PNPLA7: variants seen among roughly 807,000 people sequenced by gnomAD.
The protein encoded by PNPLA7 is patatin like domain 7, lysophospholipase, also known as patatin-like phospholipase domain-containing protein 7.
In PNPLA7, 153 loss-of-function variants were observed where a neutral mutation model predicts 161.7. That is an observed-to-expected ratio of 0.95 (90% CI 0.83 to 1.08). PNPLA7 has a LOEUF of 1.08. Among genes scored for constraint, PNPLA7 ranks in the 50% least tolerant of loss-of-function variants. The pLI is 0.00. For synonymous variants in PNPLA7, 809 were observed against 782.1 expected, an observed-to-expected ratio of 1.03 and a Z score of -0.57; for missense variants, 1,739 against 1,856.6, an observed-to-expected ratio of 0.94 and a Z score of 1.16.
chr9:137,497,313 G>A lies in PNPLA7; in HGVS notation c.1890-3C>T. The A allele has an allele frequency of 6.4e-7, 1 of 1,562,550 alleles. No homozygotes were observed. ...TGCAGTCGGACTTGTCCCCCTGCCT[G>A]CGGAAGACACAGAGGCCCTGCAGCC... On this transcript the variant is annotated splice_polypyrimidine_tract_variant and splice_region_variant and intron_variant, in intron 17 of 34. Transcript: ENST00000406427.
At chr9:137,548,440 C>G (rs1443531768) in intron 1 of PNPLA7, among the ~76,000 whole-genome samples, 3 of 152,206 alleles carry the variant, frequency 2.0e-5, no homozygotes, top group Non-Finnish European at 4.4e-5. Context: ...GAGCAGGACT[C>G]CCATCCGTGC....
At chr9:137,466,117 A>G (rs866742235) in intron 26 of PNPLA7, among the ~76,000 whole-genome samples, 6 of 152,272 alleles carry the variant, frequency 3.9e-5, no homozygotes, top group Admixed American at 1.3e-4. Context: ...CACCAGGGAC[A>G]GCCCCACGGC....
chr9:137,522,485 C>T (rs1202844367), intron 9 of PNPLA7, among the ~76,000 whole-genome samples: 2 of 152,246 alleles, frequency 1.3e-5, no homozygotes, highest in Non-Finnish European at 2.9e-5. Flanking sequence ...CCGCCGCGCC[C>T]GGCCCCAGAT....
chr9:137,473,004 G>T (rs1013748732), intron 25 of PNPLA7, among the ~76,000 whole-genome samples: 3 of 152,170 alleles, frequency 2.0e-5, no homozygotes, highest in African/African-American at 7.2e-5. Context: ...ACGTGGCTGG[G>T]GAGGCCTCAC....
Position 137,462,351 on chromosome 9 carries a change from C to CT in PNPLA7, c.3493-21dup, listed in dbSNP as rs1270293986. On this transcript the variant is annotated intron_variant, in intron 30 of 34. Transcript: ENST00000406427. ...CAACACCTGCTGCCGTCACAGCCGC[C>CT]TGAGTCTCCTGCCCCGGCCCCTACC... 1.3e-6 allele frequency: 2 copies of CT among 1,580,934 alleles called. No homozygotes were observed. Among genetic ancestry groups the CT allele is most frequent in the Non-Finnish European group, 1.7e-6 (2 of 1,161,670 alleles).
intron 19 of PNPLA7, 40 bp downstream of exon 19, chr9:137,494,993 A>G (rs775960838): frequency 6.5e-7 from 1 of 1,538,628 alleles, no homozygotes; most frequent in African/African-American, 1.4e-5. Flanking sequence ...TCCACTCCAC[A>G]CCCTCATCCG....
intron 25 of PNPLA7, among the ~76,000 whole-genome samples, chr9:137,471,844 T>C (rs1831721951): frequency 6.6e-6 from 1 of 152,012 alleles, no homozygotes; most frequent in Admixed American, 6.6e-5. Context: ...GGAGGTTTTC[T>C]TTTTGGAGAC....
At chr9:137,477,767 A>G (rs1032758124) in intron 25 of PNPLA7, among the ~76,000 whole-genome samples, 1 of 152,326 alleles carries the variant, frequency 6.6e-6, no homozygotes, top group East Asian at 1.9e-4. Context: ...AAGCAAAGAC[A>G]GTCAAAACGA....
chr9:137,527,573 T>C lies in PNPLA7; in HGVS notation c.748-4716A>G, dbSNP rs577857619. 3.9e-5 allele frequency among the ~76,000 whole-genome samples: 6 copies of C among 152,374 alleles called. No homozygotes were observed. The South Asian group carries it at 8.3e-4, about 21-fold the overall frequency. On this transcript the variant is annotated intron_variant, in intron 8 of 34. Transcript: ENST00000406427. ...CATTACATCAACTGATTTTCAACTG[T>C]TGAAACAGCTTTGCTCCTGGAATAA...
intron 8 of PNPLA7, among the ~76,000 whole-genome samples, chr9:137,535,853 T>A (rs1007785763): frequency 1.3e-5 from 2 of 150,786 alleles, no homozygotes; most frequent in Admixed American, 6.6e-5. Flanking sequence ...TGAAAAAATC[T>A]AGAAAGTATA....
At chr9:137,474,068 G>A (rs903732940) in intron 25 of PNPLA7, among the ~76,000 whole-genome samples, 6 of 152,048 alleles carry the variant, frequency 3.9e-5, no homozygotes, top group Admixed American at 1.3e-4. Flanking sequence ...GTGAAAGCCC[G>A]TCTCTATTAA....
intron 20 of PNPLA7, among the ~76,000 whole-genome samples, chr9:137,488,154 C>T (rs560048982): frequency 5.5e-4 from 84 of 152,372 alleles, no homozygotes; most frequent in African/African-American, 1.9e-3. Context: ...TCTGATGTCT[C>T]GTCCCGAGCT....
intron 32 of PNPLA7, 61 bp from the exon 33 acceptor site, chr9:137,461,681 G>T: frequency 6.7e-7 from 1 of 1,494,616 alleles, no homozygotes; most frequent in Non-Finnish European, 9.1e-7. Flanking sequence ...TCCCCAGCCT[G>T]CTTCCTGTGG....
intron 22 of PNPLA7, 66 bp downstream of exon 22, chr9:137,480,894 T>TG: frequency 1.4e-6 from 2 of 1,480,310 alleles, no homozygotes; most frequent in Non-Finnish European, 1.8e-6. Flanking sequence ...GTGGACACAG[T>TG]GGGGACACAT....
intron 15 of PNPLA7, 60 bp downstream of exon 15, chr9:137,501,590 A>G: frequency 8.5e-6 from 13 of 1,522,254 alleles, no homozygotes; most frequent in South Asian, 1.2e-5. Flanking sequence ...CTGGTGCTCC[A>G]CTTGGCACTG....
intron 13 of PNPLA7, 78 bp downstream of exon 13, chr9:137,505,905 C>G (rs1015724476): frequency 6.5e-7 from 1 of 1,526,966 alleles, no homozygotes; most frequent in African/African-American, 1.4e-5. Context: ...CCAAAGCCGG[C>G]GGCGCCCCCA....
intron 29 of PNPLA7, 22 bp downstream of exon 29, chr9:137,463,393 C>G: frequency 2.5e-6 from 4 of 1,578,556 alleles, no homozygotes; most frequent in Non-Finnish European, 3.5e-6. Flanking sequence ...TCCTGCCGGG[C>G]GTGGTCCCCC....
intron 18 of PNPLA7, among the ~76,000 whole-genome samples, chr9:137,495,922 C>T (rs1216846897): frequency 1.3e-5 from 2 of 152,094 alleles, no homozygotes; most frequent in African/African-American, 2.4e-5. Flanking sequence ...GCCATCGGAG[C>T]GCGGGACTCT....
At chr9:137,494,667 GCCC>G (rs1832946540) in intron 19 of PNPLA7, among the ~76,000 whole-genome samples, 1 of 72,640 alleles carries the variant, frequency 1.4e-5, no homozygotes, top group African/African-American at 5.6e-5. Flanking sequence ...CCTCACCTGT[GCCC>G]TGCCCTCACC....
Sources: allele counts gnomAD v4.1 joint callset (sites outside exome capture counted in the v4.1 genomes callset), GRCh38; gene constraint gnomAD v4.1.1; transcripts MANE v1.5; gene names NCBI Gene and HGNC (gene_info 2026-07-23, HGNC 2026-07-21).